The following SYT1 variants were observed in gnomAD, a reference collection of about 807,000 sequenced individuals.
SYT1 encodes the protein synaptotagmin-1.
SYT1 carries 8 observed loss-of-function variants against 44.8 expected under a neutral mutation model. The observed-to-expected ratio is 0.18, with a 90% CI of 0.10 to 0.32. The LOEUF is 0.32. Among genes scored for constraint, SYT1 ranks in the 10% least tolerant of loss-of-function variants. The pLI is 1.00. For synonymous variants in SYT1, 154 were observed against 188.8 expected, an observed-to-expected ratio of 0.82 and a Z score of 1.51; for missense variants, 286 against 509.3, an observed-to-expected ratio of 0.56 and a Z score of 4.22.
At chr12:79,035,558 C>G (rs1156797053) in intron 2 of SYT1, among the ~76,000 whole-genome samples, 1 of 151,598 alleles carries the variant, frequency 6.6e-6, no homozygotes, top group Non-Finnish European at 1.5e-5. Context: ...AATTCCTTTG[C>G]ATTCTCTTTC....
At chr12:79,141,126 T>C (rs1469562726) in intron 3 of SYT1, among the ~76,000 whole-genome samples, 1 of 152,208 alleles carries the variant, frequency 6.6e-6, no homozygotes, top group African/African-American at 2.4e-5. Context: ...CAAAGTTCAG[T>C]ATTGTTTTTA....
rs1051992304 is a variant in SYT1 at position 79,449,284 on chromosome 12, TAG to T, written c.*165_*166del. 6.6e-6 allele frequency: 5 copies of T among 757,882 alleles called. No individual in the cohort carries two copies. Among genetic ancestry groups the T allele is most frequent in the Admixed American group, 2.8e-5 (1 of 35,152 alleles). 46.9% of individuals were successfully genotyped at this position (757,882 alleles called of 1,614,324 possible). On this transcript the variant is annotated 3_prime_UTR_variant, in exon 11 of 11. Coordinates refer to ENST00000261205, the MANE Select transcript of SYT1 (RefSeq NM_005639.3). ...GTTTTAATTTGCACAAATTTAAATG[TAG>T]AGAGCCCCTAAGTCCTTCATCATAC...
At chr12:79,243,673 T>C (rs1245811) in intron 4 of SYT1, among the ~76,000 whole-genome samples, 68,579 of 151,974 alleles carry the variant, frequency 0.45, 19,363 homozygotes, top group Non-Finnish European at 0.61. Flanking sequence ...TAATGTAATG[T>C]TAATTTCAAA....
intron 9 of SYT1, among the ~76,000 whole-genome samples, chr12:79,410,823 T>A (rs573478601): frequency 6.6e-6 from 1 of 152,276 alleles, no homozygotes; most frequent in Admixed American, 6.5e-5. Context: ...TTGGGGGCTG[T>A]ATCAAAAAAA....
Position 79,051,307 on chromosome 12 carries a change from TATAA to T in SYT1, c.-18+3953_-18+3956del, listed in dbSNP as rs199864212. 4.4e-3 allele frequency among the ~76,000 whole-genome samples: 659 copies of T among 150,312 alleles called. 13 individuals are homozygous for T. The highest frequency in any genetic ancestry group is 1.5e-3 in the Non-Finnish European group (101 of 67,550). Reference sequence around the variant, plus strand: ...TTATATATCTCCACAGTATAACCTTTATAAATAAATATATATATACATATATATG... The same window carrying T: ...TTATATATCTCCACAGTATAACCTTTATAAATATATATATACATATATATG... On this transcript the variant is annotated intron_variant, in intron 3 of 10. Transcript: ENST00000261205.
chr12:79,201,634 A>G (rs1343809723), intron 3 of SYT1, among the ~76,000 whole-genome samples: 1 of 152,178 alleles, frequency 6.6e-6, no homozygotes, highest in Non-Finnish European at 1.5e-5. Flanking sequence ...AAATACAAAC[A>G]TGTTTTCTTC....
intron 8 of SYT1, among the ~76,000 whole-genome samples, chr12:79,323,952 T>C (rs955892168): frequency 7.6e-5 from 11 of 143,880 alleles, no homozygotes; most frequent in Non-Finnish European, 1.2e-4. Context: ...TATTTTCTTT[T>C]TTTTTTTTTT....
intron 8 of SYT1, among the ~76,000 whole-genome samples, chr12:79,337,785 A>C (rs1384649936): frequency 6.6e-6 from 1 of 152,232 alleles, no homozygotes. Flanking sequence ...TGTGCAGGTC[A>C]AATCTGCATT....
intron 4 of SYT1, among the ~76,000 whole-genome samples, chr12:79,241,919 G>A (rs997067814): frequency 6.6e-6 from 1 of 152,162 alleles, no homozygotes; most frequent in Admixed American, 6.5e-5. Flanking sequence ...AGATACACAG[G>A]GAGAACGCCA....
intron 9 of SYT1, among the ~76,000 whole-genome samples, chr12:79,425,120 C>T (rs1486163641): frequency 6.6e-6 from 1 of 151,738 alleles, no homozygotes; most frequent in Non-Finnish European, 1.5e-5. Context: ...CTATGAAGGT[C>T]GTGTATTATG....
At chr12:79,178,084 C>T (rs116004919) in intron 3 of SYT1, among the ~76,000 whole-genome samples, 1,552 of 152,094 alleles carry the variant, frequency 0.01, 30 homozygotes, top group African/African-American at 0.035. Context: ...GCTTTTGTTG[C>T]CATTGCTGTA....
intron 6 of SYT1, among the ~76,000 whole-genome samples, chr12:79,295,511 G>A (rs942109326): frequency 6.6e-6 from 1 of 152,052 alleles, no homozygotes; most frequent in African/African-American, 2.4e-5. Context: ...TCATTCTACT[G>A]TAAGTTAAAA....
intron 4 of SYT1, among the ~76,000 whole-genome samples, chr12:79,227,982 G>A (rs1209527825): frequency 6.6e-6 from 1 of 151,006 alleles, no homozygotes; most frequent in East Asian, 1.9e-4. Context: ...AATGATCTCT[G>A]TGTTAGAGAA....
intron 8 of SYT1, among the ~76,000 whole-genome samples, chr12:79,347,041 CTTTT>C (rs59524429): frequency 1.6e-5 from 2 of 125,936 alleles, no homozygotes; most frequent in Non-Finnish European, 1.7e-5. Context: ...TTTGTTTTTT[CTTTT>C]TTTTTTTTTT....
chr12:79,040,426 G>C (rs1873469122), intron 2 of SYT1, among the ~76,000 whole-genome samples: 1 of 152,180 alleles, frequency 6.6e-6, no homozygotes, highest in Non-Finnish European at 1.5e-5. Flanking sequence ...GTCTTCTTTT[G>C]AGAAGTGTCT....
At chr12:78,994,743 G>A (rs1388229162) in intron 2 of SYT1, among the ~76,000 whole-genome samples, 1 of 151,736 alleles carries the variant, frequency 6.6e-6, no homozygotes, top group Non-Finnish European at 1.5e-5. Context: ...CACCTTCTTG[G>A]CCAGGCTGGT....
chr12:78,905,273 C>T (rs991075687), intron 1 of SYT1, among the ~76,000 whole-genome samples: 8 of 152,200 alleles, frequency 5.3e-5, no homozygotes, highest in African/African-American at 1.2e-4. Context: ...AGAAATCCCG[C>T]GGGGGGCGGG....
intron 3 of SYT1, among the ~76,000 whole-genome samples, chr12:79,179,544 GAGATAT>G (rs1451454934): frequency 8.2e-5 from 2 of 24,328 alleles, no homozygotes; most frequent in Admixed American, 4.8e-4. Context: ...TATAGATATA[GAGATAT>G]AGATATAGAT....
intron 3 of SYT1, among the ~76,000 whole-genome samples, chr12:79,183,914 TC>T (rs1346558326): frequency 6.6e-6 from 1 of 152,010 alleles, no homozygotes; most frequent in Non-Finnish European, 1.5e-5. Context: ...AAATTACAAT[TC>T]CTTTGCAGTG....
Sources: gnomAD v4.1 joint callset for allele counts (sites outside exome capture counted in the v4.1 genomes callset) on GRCh38, gnomAD v4.1.1 for gene constraint, MANE v1.5 for transcripts, NCBI Gene and HGNC (gene_info 2026-07-23, HGNC 2026-07-21) for gene names.